RYR2: variants seen among roughly 807,000 people sequenced by gnomAD.
The protein encoded by RYR2 is cardiac muscle ryanodine receptor-calcium release channel.
In RYR2, 227 loss-of-function variants were observed where a neutral mutation model predicts 601.1. The observed-to-expected ratio is 0.38, with a 90% confidence interval of 0.34 to 0.42. The LOEUF (loss-of-function observed/expected upper bound fraction) is 0.42. RYR2 is among the 10% of genes least tolerant of loss of function. The probability of loss-of-function intolerance (pLI) is 1.00; values close to 1 mark genes in which losing one functional copy is unlikely to be tolerated. For synonymous variants in RYR2, 2,223 were observed against 2,175.1 expected (o/e 1.02, Z -0.61); for missense variants, 4,646 against 6,156.5 (o/e 0.75, Z 8.21).
At chr1:237,554,191 A>T (rs1040488916) in intron 27 of RYR2, among the ~76,000 whole-genome samples, 2 of 151,760 alleles carry the variant, frequency 1.3e-5, no homozygotes, top group Non-Finnish European at 3.0e-5. Context: ...TTTGTGGGTG[A>T]TTTTATCATA....
chr1:237,145,231 AAAG>A (rs919042414), intron 1 of RYR2, among the ~76,000 whole-genome samples: 5 of 152,124 alleles, frequency 3.3e-5, no homozygotes, highest in Admixed American at 1.3e-4. Context: ...ATAAAAAAAA[AAAG>A]AAAAAAAGAA....
At chr1:237,690,584 A>G (rs556632846) in intron 63 of RYR2, among the ~76,000 whole-genome samples, 4 of 152,210 alleles carry the variant, frequency 2.6e-5, no homozygotes, top group Non-Finnish European at 5.9e-5. Flanking sequence ...ACACAGGGCC[A>G]GGCACAGTGG....
At chr1:237,462,559 C>A (rs1478913) in intron 16 of RYR2, among the ~76,000 whole-genome samples, 2 of 152,030 alleles carry the variant, frequency 1.3e-5, no homozygotes, top group South Asian at 2.1e-4. Context: ...GCAAACTTTC[C>A]TATGAATACT....
chr1:237,658,043 T>G, intron 54 of RYR2, 21 bp downstream of exon 54: 1 of 1,349,144 alleles, frequency 7.4e-7, no homozygotes, highest in Non-Finnish European at 1.0e-6. Context: ...TATTACATTC[T>G]AATTCAGTAG....
chr1:237,308,938 C>T (rs1468533428), intron 2 of RYR2, among the ~76,000 whole-genome samples: 13 of 151,910 alleles, frequency 8.6e-5, no homozygotes, highest in Admixed American at 2.6e-4. Flanking sequence ...CTGATTGGTG[C>T]GTTTAGAATC....
chr1:237,168,754 C>G (rs1677002156), intron 1 of RYR2, among the ~76,000 whole-genome samples: 1 of 152,200 alleles, frequency 6.6e-6, no homozygotes, highest in African/African-American at 2.4e-5. Context: ...CAGTTATACG[C>G]CGCTTTCAGA....
chr1:237,759,572 A>G (rs1693241098), intron 82 of RYR2, among the ~76,000 whole-genome samples: 2 of 152,186 alleles, frequency 1.3e-5, no homozygotes, highest in Admixed American at 1.3e-4. Context: ...GTGTAAGGCA[A>G]CTAACCCTCT....
At chr1:237,458,414 A>G (rs763857038) in intron 16 of RYR2, among the ~76,000 whole-genome samples, 4 of 152,132 alleles carry the variant, frequency 2.6e-5, no homozygotes, top group Non-Finnish European at 4.4e-5. Flanking sequence ...AGGTGACAGA[A>G]TGAGACTCCA....
At chr1:237,203,052 C>T (rs1018268367) in intron 1 of RYR2, among the ~76,000 whole-genome samples, 1 of 152,160 alleles carries the variant, frequency 6.6e-6, no homozygotes, top group Non-Finnish European at 1.5e-5. Flanking sequence ...AGCTTCTAAG[C>T]GGATGGAGCC....
At chr1:237,808,654 C>CAAAA (rs35162950) in intron 99 of RYR2, among the ~76,000 whole-genome samples, 1 of 116,056 alleles carries the variant, frequency 8.6e-6, no homozygotes. Context: ...AACTCTGTCT[C>CAAAA]AAAAAAAAAA....
intron 17 of RYR2, among the ~76,000 whole-genome samples, chr1:237,479,389 A>G (rs1373427294): frequency 6.6e-6 from 1 of 152,154 alleles, no homozygotes; most frequent in Non-Finnish European, 1.5e-5. Context: ...AGACTATTCT[A>G]TGCACCTTTA....
At chr1:237,308,825 A>G (rs1424862551) in intron 2 of RYR2, among the ~76,000 whole-genome samples, 1 of 152,188 alleles carries the variant, frequency 6.6e-6, no homozygotes, top group Non-Finnish European at 1.5e-5. Flanking sequence ...GCCTGCTTTT[A>G]TTCCCTTATC....
At chr1:237,488,227 A>G (rs1662914768) in intron 17 of RYR2, among the ~76,000 whole-genome samples, 1 of 152,132 alleles carries the variant, frequency 6.6e-6, no homozygotes, top group African/African-American at 2.4e-5. Flanking sequence ...TTTCTGAAAA[A>G]GGCTAGTGTC....
chr1:237,590,270 T>A (rs1675008840), intron 30 of RYR2, among the ~76,000 whole-genome samples: 1 of 152,076 alleles, frequency 6.6e-6, no homozygotes, highest in Admixed American at 6.6e-5. Context: ...CTGGGGTTTG[T>A]GCGCATCAAG....
chr1:237,097,484 T>G (rs1278587311), intron 1 of RYR2, among the ~76,000 whole-genome samples: 2 of 152,206 alleles, frequency 1.3e-5, no homozygotes, highest in East Asian at 3.8e-4. Flanking sequence ...TAAGAGAGAA[T>G]GCTGCTCTGT....
At chr1:237,633,555 C>CT in intron 42 of RYR2, 23 bp from the exon 43 acceptor site, 1 of 1,613,374 alleles carries the variant, frequency 6.2e-7, no homozygotes, top group South Asian at 1.1e-5. Flanking sequence ...CTTTCAGCAG[C>CT]TAATGACATG....
chr1:237,083,292 G>A (rs1665953844), intron 1 of RYR2, among the ~76,000 whole-genome samples: 1 of 152,154 alleles, frequency 6.6e-6, no homozygotes, highest in Admixed American at 6.5e-5. Context: ...CATTTGGGCA[G>A]CCAACAGCCA....
At chr1:237,245,011 C>T (rs953443679) in intron 1 of RYR2, among the ~76,000 whole-genome samples, 5 of 152,004 alleles carry the variant, frequency 3.3e-5, no homozygotes, top group African/African-American at 1.2e-4. Flanking sequence ...AGTTCCAGAC[C>T]AGCCTGAGCA....
At chr1:237,228,521 C>T (rs1466274591) in intron 1 of RYR2, among the ~76,000 whole-genome samples, 3 of 152,188 alleles carry the variant, frequency 2.0e-5, no homozygotes, top group African/African-American at 7.2e-5. Context: ...TGTGGTAAAA[C>T]TGGTTTCCTT....
Sources: allele counts gnomAD v4.1 joint callset (sites outside exome capture counted in the v4.1 genomes callset), GRCh38; gene constraint gnomAD v4.1.1; transcripts MANE v1.5; gene names NCBI Gene and HGNC (gene_info 2026-07-23, HGNC 2026-07-21).